CDK19: variants seen among roughly 807,000 people sequenced by gnomAD.
The protein encoded by CDK19 is cyclin dependent kinase 19, also known as cyclin-dependent kinase 19.
Under a neutral mutation model 68.3 loss-of-function variants are expected in CDK19, and 20 were observed. The observed-to-expected ratio is 0.29, with a 90% CI of 0.21 to 0.43. The LOEUF is 0.43. Ranked by LOEUF, CDK19 falls within the 20% of genes least tolerant of loss-of-function variation. CDK19 has a pLI of 1.00. For synonymous variants in CDK19, 221 were observed against 222.8 expected, an observed-to-expected ratio of 0.99 and a Z score of 0.07; for missense variants, 339 against 623.5, an observed-to-expected ratio of 0.54 and a Z score of 4.86.
At chr6:110,809,947 G>A (rs1446779381) in intron 1 of CDK19, among the ~76,000 whole-genome samples, 1 of 152,154 alleles carries the variant, frequency 6.6e-6, no homozygotes. Flanking sequence ...AAGGCTTCAA[G>A]GAGGAAAGCT....
At chr6:110,631,495 G>A (rs1321963394) in intron 6 of CDK19, among the ~76,000 whole-genome samples, 1 of 152,116 alleles carries the variant, frequency 6.6e-6, no homozygotes, top group African/African-American at 2.4e-5. Context: ...TTGATGAGAT[G>A]GCAAGACGCT....
chr6:110,719,726 GTTTT>G (rs1464224422), intron 2 of CDK19, among the ~76,000 whole-genome samples: 2 of 151,702 alleles, frequency 1.3e-5, no homozygotes, highest in Non-Finnish European at 2.9e-5. Flanking sequence ...AAGCAGTATG[GTTTT>G]TTTGTTTTGT....
chr6:110,714,410 A>G (rs953678176), intron 2 of CDK19, among the ~76,000 whole-genome samples: 3 of 152,166 alleles, frequency 2.0e-5, no homozygotes, highest in African/African-American at 7.2e-5. Flanking sequence ...TCTGTTTTCA[A>G]TTCTCTTGGG....
intron 1 of CDK19, chr6:110,814,554 C>G: frequency 2.2e-6 from 1 of 456,022 alleles, no homozygotes. Flanking sequence ...ACAGGCTCCC[C>G]GGCGAGGTTT....
chr6:110,646,710 CTAT>C lies in CDK19; in HGVS notation c.457-8007_457-8005del, dbSNP rs1245467919. Among the ~76,000 whole-genome samples, 7 of 152,246 alleles carry C rather than the reference CTAT, an allele frequency of 4.6e-5. No individual in the cohort carries two copies. In the East Asian group the frequency reaches 1.4e-3, roughly 29 times the overall value. ...ATTTCTGGAATCTCGTTCATCATCC[CTAT>C]CGATGCAGTTAACCCACCTCGGCTG... On this transcript the variant is annotated intron_variant, in intron 4 of 12. Coordinates refer to ENST00000368911, the MANE Select transcript of CDK19 (RefSeq NM_015076.5).
intron 6 of CDK19, among the ~76,000 whole-genome samples, chr6:110,628,600 T>C (rs1370763654): frequency 6.6e-6 from 1 of 152,178 alleles, no homozygotes; most frequent in Non-Finnish European, 1.5e-5. Context: ...ACATAGTATA[T>C]ACAGGGTTCG....
intron 2 of CDK19, among the ~76,000 whole-genome samples, chr6:110,709,109 G>T (rs1035070924): frequency 2.0e-5 from 3 of 152,050 alleles, no homozygotes; most frequent in Non-Finnish European, 2.9e-5. Flanking sequence ...TGCAGAAAAG[G>T]CCTTCATACT....
chr6:110,667,765 T>C (rs886129051), intron 3 of CDK19, among the ~76,000 whole-genome samples, 191 bp from the exon 4 acceptor site: 2 of 152,118 alleles, frequency 1.3e-5, no homozygotes, highest in African/African-American at 2.4e-5. Flanking sequence ...GTGACCATGT[T>C]AATGAGGGGT....
At chr6:110,696,774 T>A (rs1047552750) in intron 2 of CDK19, among the ~76,000 whole-genome samples, 2 of 151,634 alleles carry the variant, frequency 1.3e-5, no homozygotes, top group Non-Finnish European at 2.9e-5. Flanking sequence ...ATACAAAAAA[T>A]TGTCAGGCGC....
chr6:110,751,633 T>G (rs1424588818), intron 1 of CDK19, among the ~76,000 whole-genome samples: 1 of 152,200 alleles, frequency 6.6e-6, no homozygotes, highest in African/African-American at 2.4e-5. Flanking sequence ...GTGGAAAAAC[T>G]GTCTTCCACG....
chr6:110,796,560 G>A (rs183502212), intron 1 of CDK19, among the ~76,000 whole-genome samples: 2 of 152,142 alleles, frequency 1.3e-5, no homozygotes, highest in East Asian at 3.9e-4. Context: ...AAAATCAGAA[G>A]ATGGCTTCAG....
intron 1 of CDK19, among the ~76,000 whole-genome samples, chr6:110,758,011 G>T (rs1489597052): frequency 1.3e-5 from 2 of 152,086 alleles, no homozygotes; most frequent in East Asian, 1.9e-4. Flanking sequence ...GGGCAACGTG[G>T]CAAGACCCCA....
intron 2 of CDK19, among the ~76,000 whole-genome samples, chr6:110,715,149 C>T (rs1049142289): frequency 9.9e-5 from 15 of 152,144 alleles, no homozygotes; most frequent in African/African-American, 3.4e-4. Context: ...AGTCTGCAGA[C>T]TGGTTTTAGC....
At chr6:110,780,682 T>C (rs1780746966) in intron 1 of CDK19, among the ~76,000 whole-genome samples, 1 of 152,026 alleles carries the variant, frequency 6.6e-6, no homozygotes, top group African/African-American at 2.4e-5. Flanking sequence ...AAATATTTAT[T>C]GAGGATCAAT....
rs1783550376 is a variant in CDK19, at chr6:110,815,290, T to C, written c.-154A>G. On this transcript the variant is annotated 5_prime_UTR_variant, in exon 1 of 13. An upstream open reading frame in the 5' UTR loses its in-frame stop. Transcript: ENST00000368911. ...CCGCCCGCCGCTCCGCGGTCCGCCTTCAGCAAGGGACTCCTCGGCGGCCAC... is the reference window on the plus strand; with the variant it reads ...CCGCCCGCCGCTCCGCGGTCCGCCTCCAGCAAGGGACTCCTCGGCGGCCAC... 2 of 807,226 alleles carry C rather than the reference T, an allele frequency of 2.5e-6. No homozygotes were observed. The highest frequency in any genetic ancestry group is 7.1e-5 in the East Asian group (2 of 28,012). 50.0% of individuals were successfully genotyped at this position (807,226 alleles called of 1,614,324 possible).
chr6:110,695,930 T>C (rs1311938664), intron 2 of CDK19, among the ~76,000 whole-genome samples: 1 of 151,856 alleles, frequency 6.6e-6, no homozygotes, highest in African/African-American at 2.4e-5. Context: ...CAAAGAAGAA[T>C]TGGTACCAAT....
At chr6:110,637,690 C>T (rs1779869490) in intron 5 of CDK19, among the ~76,000 whole-genome samples, 1 of 152,088 alleles carries the variant, frequency 6.6e-6, no homozygotes, top group Non-Finnish European at 1.5e-5. Flanking sequence ...GTAAAAGAAA[C>T]CAGAATAGGC....
chr6:110,803,270 G>A (rs1431317385), intron 1 of CDK19, among the ~76,000 whole-genome samples: 3 of 152,096 alleles, frequency 2.0e-5, no homozygotes, highest in African/African-American at 7.2e-5. Context: ...TAGTAGAGAC[G>A]GGGTTTCATT....
Position 110,815,257 on chromosome 6 carries a change from G to GCGCC in CDK19, c.-122_-121insGGCG. The GCGCC allele has an allele frequency of 9.8e-7, 1 of 1,022,346 alleles. No individual in the cohort carries two copies. Among genetic ancestry groups the GCGCC allele is most frequent in the South Asian group, 2.7e-5 (1 of 37,394 alleles). The allele number at this position is 1,022,346 out of a possible 1,614,324, so 63.3% of individuals were successfully genotyped here. A position where few individuals can be genotyped will look rare whatever the true frequency, so the allele number is the denominator to read the frequency against. ...AGCCGCCTCTCGCGCGCGCGCGCGCGCCGCCCGCCGCCCGCCGCTCCGCGG... is the reference window on the plus strand; with the variant it reads ...AGCCGCCTCTCGCGCGCGCGCGCGCGCGCCCCGCCCGCCGCCCGCCGCTCCGCGG... On this transcript the variant is annotated 5_prime_UTR_variant, in exon 1 of 13. Coordinates refer to ENST00000368911, the MANE Select transcript of CDK19 (RefSeq NM_015076.5).
Sources: allele counts gnomAD v4.1 joint callset (sites outside exome capture counted in the v4.1 genomes callset), GRCh38; gene constraint gnomAD v4.1.1; transcripts MANE v1.5; gene names NCBI Gene and HGNC (gene_info 2026-07-23, HGNC 2026-07-21).